Variants in ZC2HC1B observed in about 807,000 individuals in gnomAD.
ZC2HC1B encodes the protein zinc finger C2HC domain-containing protein 1B.
In ZC2HC1B, 36 loss-of-function variants were observed where a neutral mutation model predicts 31.0. The ratio of observed to expected loss-of-function variants is 1.16; its 90% CI spans 0.89 to 1.54. The LOEUF (loss-of-function observed/expected upper bound fraction) is 1.54, where lower values mean the gene tolerates loss of function less well. Among genes scored for constraint, ZC2HC1B ranks in the 40% most tolerant of loss-of-function variants. The pLI is 0.00. For synonymous variants in ZC2HC1B, 73 were observed against 88.0 expected, an observed-to-expected ratio of 0.83 and a Z score of 0.95; for missense variants, 260 against 268.6, an observed-to-expected ratio of 0.97 and a Z score of 0.22.
chr6:143,894,813 T>G lies in ZC2HC1B; in HGVS notation c.350-3739T>G, dbSNP rs545948284. Reference sequence around the variant, plus strand: ...CCTTATGGTTCTTTAATTGAATAAGTGAAACCATGTCAGATGTCCTGCTGT... The same window carrying G: ...CCTTATGGTTCTTTAATTGAATAAGGGAAACCATGTCAGATGTCCTGCTGT... On this transcript the variant is annotated intron_variant, in intron 4 of 7. Transcript: ENST00000237275. Among the ~76,000 whole-genome samples, 4 of 152,350 alleles carry G rather than the reference T, an allele frequency of 2.6e-5. No individual in the cohort carries two copies. In the South Asian group the frequency reaches 6.2e-4, roughly 24 times the overall value.
intron 6 of ZC2HC1B, among the ~76,000 whole-genome samples, chr6:143,912,748 C>T (rs1777875159): frequency 6.6e-6 from 1 of 152,232 alleles, no homozygotes; most frequent in South Asian, 2.1e-4. Context: ...AAGAAGCAGT[C>T]TGGATGCTTT....
chr6:143,935,360 G>A (rs773570900), intron 6 of ZC2HC1B, among the ~76,000 whole-genome samples: 30 of 151,956 alleles, frequency 2.0e-4, no homozygotes, highest in Non-Finnish European at 3.5e-4. Flanking sequence ...CCCAATGGTG[G>A]GCACAAGCAC....
rs1449979027 is a variant in ZC2HC1B at position 143,924,449 on chromosome 6, C to T, written c.599-13200C>T. Reference sequence around the variant, plus strand: ...CTACAAAGAGGGACAGTTTGACTTCCTCTATTCCAATTTAGATGACATTTA... The same window carrying T: ...CTACAAAGAGGGACAGTTTGACTTCTTCTATTCCAATTTAGATGACATTTA... On this transcript the variant is annotated intron_variant, in intron 6 of 7. Coordinates refer to ENST00000237275, the MANE Select transcript of ZC2HC1B (RefSeq NM_001013623.3). This position sits in a 1 kb window ranked among gnomAD's most constrained non-coding sequence, Gnocchi z 5.2. 6.6e-6 allele frequency among the ~76,000 whole-genome samples: 1 copy of T among 151,882 alleles called. No individual in the cohort carries two copies. The highest frequency in any genetic ancestry group is 2.4e-5 in the African/African-American group (1 of 41,384).
chr6:143,870,078 A>G lies in ZC2HC1B; in HGVS notation c.28+5511A>G, dbSNP rs1028224454. 6.6e-6 allele frequency among the ~76,000 whole-genome samples: 1 copy of G among 152,118 alleles called. No homozygotes were observed. The highest frequency in any genetic ancestry group is 1.5e-5 in the Non-Finnish European group (1 of 68,022). On this transcript the variant is annotated intron_variant, in intron 1 of 7. Coordinates refer to ENST00000237275, the MANE Select transcript of ZC2HC1B (RefSeq NM_001013623.3). This position sits in a 1 kb window ranked among gnomAD's most constrained non-coding sequence, Gnocchi z 4.7. ...TCTTCCCCAAATTTCTTTGTCACCA[A>G]TTTTCCAATCATGCTTCTTCCAAGT...
chr6:143,901,908 T>G (rs1443723565), intron 5 of ZC2HC1B, among the ~76,000 whole-genome samples: 1 of 152,112 alleles, frequency 6.6e-6, no homozygotes, highest in African/African-American at 2.4e-5. Context: ...AAAGGGTGAG[T>G]TACATTTCTG....
At chr6:143,888,376 A>G (rs1005378058) in intron 4 of ZC2HC1B, among the ~76,000 whole-genome samples, 6 of 152,128 alleles carry the variant, frequency 3.9e-5, no homozygotes, top group Middle Eastern at 3.4e-3. Flanking sequence ...TTGCTATTCA[A>G]GGTCCTTTGA....
In ZC2HC1B at chr6:143,937,749, C is replaced by T. The variant is rs1403370511; in HGVS notation, c.*14+16C>T. On this transcript the variant is annotated intron_variant, in intron 7 of 7. Coordinates refer to ENST00000237275, the MANE Select transcript of ZC2HC1B (RefSeq NM_001013623.3). Reference sequence around the variant, plus strand: ...TAGAAGCCAGGTAAGAAAAAAAAATCACCGCTAATCCAGCTGTTGCTGACC... The same window carrying T: ...TAGAAGCCAGGTAAGAAAAAAAAATTACCGCTAATCCAGCTGTTGCTGACC... 17 of 1,510,346 alleles carry T rather than the reference C, an allele frequency of 1.1e-5. No individual in the cohort carries two copies. Among genetic ancestry groups the T allele is most frequent in the Non-Finnish European group, 1.4e-5 (16 of 1,115,952 alleles). 93.6% of individuals were successfully genotyped at this position (1,510,346 alleles called of 1,614,324 possible).
In ZC2HC1B at chr6:143,935,556, G is replaced by T. The variant is rs188960088; in HGVS notation, c.599-2093G>T. Reference sequence around the variant, plus strand: ...TATACAATGCTATATAAAAATAAAGGTCTTTAAAAATTGTTGTTGTTGGGT... The same window carrying T: ...TATACAATGCTATATAAAAATAAAGTTCTTTAAAAATTGTTGTTGTTGGGT... On this transcript the variant is annotated intron_variant, in intron 6 of 7. Transcript: ENST00000237275. 1.2e-4 allele frequency among the ~76,000 whole-genome samples: 18 copies of T among 150,346 alleles called. No individual in the cohort carries two copies. In the South Asian group the frequency reaches 3.2e-3, roughly 27 times the overall value.
At chr6:143,898,818 T>G in intron 5 of ZC2HC1B, 127 bp downstream of exon 5, 1 of 1,222,218 alleles carries the variant, frequency 8.2e-7, no homozygotes, top group Non-Finnish European at 1.1e-6. Context: ...CTGATCATGA[T>G]TGCTCACCCC....
chr6:143,925,279 C>CATTCTCCT (rs1229634483), intron 6 of ZC2HC1B, among the ~76,000 whole-genome samples: 1 of 147,566 alleles, frequency 6.8e-6, no homozygotes, highest in Non-Finnish European at 1.5e-5. Flanking sequence ...GGGTTCACGC[C>CATTCTCCT]ATTCTCCTGC....
intron 6 of ZC2HC1B, among the ~76,000 whole-genome samples, chr6:143,910,633 G>T (rs371727734): frequency 1.3e-5 from 2 of 152,214 alleles, no homozygotes; most frequent in Non-Finnish European, 2.9e-5. Flanking sequence ...CTTGCTTTAT[G>T]AATCTACATG....
rs1394531346 is a variant in ZC2HC1B, at chr6:143,918,691, G to T, written c.598+15539G>T. On this transcript the variant is annotated intron_variant, in intron 6 of 7. Transcript: ENST00000237275. The surrounding 1 kb of genome is among the most constrained non-coding windows in gnomAD (Gnocchi z 4.1). ...AGGTATTCCCACAATGCATATGTTG[G>T]TCAGTTTGACAGTGTCCCACAGGTC... Among the ~76,000 whole-genome samples the T allele has an allele frequency of 6.6e-6, 1 of 151,922 alleles. No individual in the cohort carries two copies. The highest frequency in any genetic ancestry group is 1.5e-5 in the Non-Finnish European group (1 of 67,998).
intron 6 of ZC2HC1B, among the ~76,000 whole-genome samples, chr6:143,928,506 T>G (rs939227667): frequency 6.6e-6 from 1 of 152,212 alleles, no homozygotes; most frequent in African/African-American, 2.4e-5. Context: ...GCTGTTTGAT[T>G]ACTATAGACT....
At position 143,908,351 on chromosome 6, in the gene ZC2HC1B, G is replaced by A. The variant is rs1185067950; in HGVS notation, c.598+5199G>A. Reference sequence around the variant, plus strand: ...GTTTAATGGAAATTGCATTGAATCTGTAAATTGCTTTGAGCAGTATGTCAA... The same window carrying A: ...GTTTAATGGAAATTGCATTGAATCTATAAATTGCTTTGAGCAGTATGTCAA... On this transcript the variant is annotated intron_variant, in intron 6 of 7. Coordinates refer to ENST00000237275, the MANE Select transcript of ZC2HC1B (RefSeq NM_001013623.3). This position sits in a 1 kb window ranked among gnomAD's most constrained non-coding sequence, Gnocchi z 4.4. 6.6e-6 allele frequency among the ~76,000 whole-genome samples: 1 copy of A among 152,124 alleles called. No homozygotes were observed. The highest frequency in any genetic ancestry group is 1.9e-4 in the East Asian group (1 of 5,194).
At chr6:143,867,582 G>C (rs1777279710) in intron 1 of ZC2HC1B, among the ~76,000 whole-genome samples, 1 of 152,190 alleles carries the variant, frequency 6.6e-6, no homozygotes, top group South Asian at 2.1e-4. Flanking sequence ...GATCAATGCA[G>C]AACCTTCCTA....
At position 143,905,200 on chromosome 6, in the gene ZC2HC1B, A is replaced by G. The variant is rs1241810957; in HGVS notation, c.598+2048A>G. Among the ~76,000 whole-genome samples, 3 of 152,244 alleles carry G rather than the reference A, an allele frequency of 2.0e-5. No individual in the cohort carries two copies. Among genetic ancestry groups the G allele is most frequent in the Non-Finnish European group, 2.9e-5 (2 of 68,046 alleles). On this transcript the variant is annotated intron_variant, in intron 6 of 7. Transcript: ENST00000237275. This position sits in a 1 kb window ranked among gnomAD's most constrained non-coding sequence, Gnocchi z 4.2. ...ATAGTAAGTTTTCAAATCCATGAAC[A>G]TGGAATATATTTCTGTTTATTTATG...
At position 143,865,899 on chromosome 6, in the gene ZC2HC1B, T is replaced by C. The variant is rs1368258493; in HGVS notation, c.28+1332T>C. ...AGTGCGATCTCATCTCACTGCAACC[T>C]CCAACTCCCGGGTTCAGGCGATTCC... is the stretch of plus-strand genomic sequence containing the variant. On this transcript the variant is annotated intron_variant, in intron 1 of 7. Coordinates refer to ENST00000237275, the MANE Select transcript of ZC2HC1B (RefSeq NM_001013623.3). This position sits in a 1 kb window ranked among gnomAD's most constrained non-coding sequence, Gnocchi z 4.4. Among the ~76,000 whole-genome samples, 2 of 152,106 alleles carry C rather than the reference T, an allele frequency of 1.3e-5. No homozygotes were observed. The highest frequency in any genetic ancestry group is 4.8e-5 in the African/African-American group (2 of 41,430).
chr6:143,901,836 G>C (rs964218095), intron 5 of ZC2HC1B, among the ~76,000 whole-genome samples: 1 of 152,092 alleles, frequency 6.6e-6, no homozygotes, highest in Non-Finnish European at 1.5e-5. Context: ...CTTTGGGCTT[G>C]AACACAGCCT....
chr6:143,878,993 G>A (rs781257486), intron 1 of ZC2HC1B, among the ~76,000 whole-genome samples: 1 of 152,196 alleles, frequency 6.6e-6, no homozygotes, highest in Non-Finnish European at 1.5e-5. Context: ...TATCCAAGGA[G>A]TAGGAGACTT....
Sources: allele counts gnomAD v4.1 joint callset (sites outside exome capture counted in the v4.1 genomes callset), GRCh38; gene constraint gnomAD v4.1.1; non-coding constraint Gnocchi (gnomAD v3.1); transcripts MANE v1.5; gene names NCBI Gene and HGNC (gene_info 2026-07-23, HGNC 2026-07-21).